GABRA1: variants seen among roughly 807,000 people sequenced by gnomAD.
GABRA1 encodes the protein gamma-aminobutyric acid type A receptor subunit alpha1.
Under a neutral mutation model 48.9 loss-of-function variants are expected in GABRA1, and 9 were observed. The ratio of observed to expected loss-of-function variants is 0.18; its 90% confidence interval spans 0.11 to 0.32. The LOEUF (loss-of-function observed/expected upper bound fraction) is 0.32, where lower values mean the gene tolerates loss of function less well. Ranked by LOEUF, GABRA1 falls within the 10% of genes least tolerant of loss-of-function variation. The probability of loss-of-function intolerance (pLI) is 1.00; values close to 1 mark genes in which losing one functional copy is unlikely to be tolerated. For missense variants in GABRA1, 285 were observed against 553.8 expected (o/e 0.51, Z 4.87); for synonymous variants, 210 against 198.7 (o/e 1.06, Z -0.48).
At position 161,893,414 on chromosome 5, in the gene GABRA1, CAT is replaced by C. The variant is rs555123251; in HGVS notation, c.857-2251_857-2250del. On this transcript the variant is annotated intron_variant, in intron 8 of 9. Transcript: ENST00000393943. ...AACCTTTTAACATTTATTTTGTACA[CAT>C]GTTTCTATGCTTTTTAGTTTGAACT... Among the ~76,000 whole-genome samples, 475 of 152,200 alleles carry C rather than the reference CAT, an allele frequency of 3.1e-3. 2 individuals carry two copies. Among genetic ancestry groups the C allele is most frequent in the Non-Finnish European group, 3.7e-3 (254 of 68,010 alleles).
chr5:161,850,540 C>T, intron 1 of GABRA1: 1 of 577,408 alleles, frequency 1.7e-6, no homozygotes, highest in South Asian at 2.3e-5. Context: ...TTGAGCAATA[C>T]TGTCACCTGA....
In GABRA1 at chr5:161,858,849, T is replaced by A. The variant is rs550442711; in HGVS notation, c.187+4579T>A. On this transcript the variant is annotated intron_variant, in intron 3 of 9. Transcript: ENST00000393943. ...ATCTGAATCAGTCTTCAACTTAATA[T>A]CAGTGTATACTAACTTGGATGATAA... is the stretch of plus-strand genomic sequence containing the variant. Among the ~76,000 whole-genome samples the A allele has an allele frequency of 6.6e-5, 10 of 151,896 alleles. No homozygotes were observed. The East Asian group carries it at 1.7e-3, about 26-fold the overall frequency.
rs1167040212 is a variant in GABRA1 at position 161,897,132 on chromosome 5, C to T, written c.1081C>T (p.Leu361Phe). ...PEKPKKVKDP[L>F]IKKNNTYAPT... is the part of the protein sequence containing the mutation. ...ACAGCCAAAGAAAGTAAAGGATCCT[C>T]TTATTAAGAAAAACAACACTTACGC... Residue 361 changes from leucine (L) to phenylalanine (F), a missense_variant, in exon 10 of 10, where the codon CTT (leucine) becomes TTT (phenylalanine). Leu to Phe is a conservative substitution (Grantham distance 22, BLOSUM62 0). Coordinates refer to ENST00000393943, the MANE Select transcript of GABRA1 (RefSeq NM_001127644.2). The T allele has an allele frequency of 3.1e-6, 5 of 1,613,934 alleles. No individual in the cohort carries two copies. The highest frequency in any genetic ancestry group is 2.2e-5 in the East Asian group (1 of 44,880).
Position 161,875,552 on chromosome 5 carries a change from C to T in GABRA1, c.477-8C>T, listed in dbSNP as rs1754310220. 2 of 1,610,304 alleles carry T rather than the reference C, an allele frequency of 1.2e-6. No individual in the cohort carries two copies. The highest frequency in any genetic ancestry group is 3.3e-5 in the Admixed American group (2 of 59,922). ...TGGCTCTTGTTTGTATTCTATGTTT[C>T]CCTTAAGGCTGACAGTGAGAGCTGA... On this transcript the variant is annotated splice_region_variant and splice_polypyrimidine_tract_variant and intron_variant, in intron 5 of 9. Coordinates refer to ENST00000393943, the MANE Select transcript of GABRA1 (RefSeq NM_001127644.2).
intron 3 of GABRA1, among the ~76,000 whole-genome samples, chr5:161,860,172 G>A (rs955358840): frequency 6.6e-6 from 1 of 151,850 alleles, no homozygotes; most frequent in Non-Finnish European, 1.5e-5. Flanking sequence ...TCTACCATCA[G>A]CTCATGAAGC....
At chr5:161,868,408 G>GGTA (rs1290047517) in intron 4 of GABRA1, among the ~76,000 whole-genome samples, 1 of 122,996 alleles carries the variant, frequency 8.1e-6, no homozygotes, top group Non-Finnish European at 1.7e-5. Context: ...GACTGAAATA[G>GGTA]GTAAAATTGA....
chr5:161,854,042 T>G (rs1581178155), intron 2 of GABRA1, 116 bp from the exon 3 acceptor site: 1 of 539,640 alleles, frequency 1.9e-6, no homozygotes, highest in East Asian at 2.9e-5. Flanking sequence ...AAAATAATTT[T>G]CAAGTTAAGA....
Position 161,874,226 on chromosome 5 carries a change from G to A in GABRA1, c.476+889G>A, listed in dbSNP as rs375143832. On this transcript the variant is annotated intron_variant, in intron 5 of 9. Transcript: ENST00000393943. Reference sequence around the variant, plus strand: ...AGTACAGTAATATTTTGCCTTTGGAGAAAGCTGCCAGAATGCCTAGCTTTT... The same window carrying A: ...AGTACAGTAATATTTTGCCTTTGGAAAAAGCTGCCAGAATGCCTAGCTTTT... Among the ~76,000 whole-genome samples the A allele has an allele frequency of 1.0e-3, 159 of 152,198 alleles. 2 individuals carry two copies. Among genetic ancestry groups the A allele is most frequent in the African/African-American group, 3.5e-3 (146 of 41,536 alleles).
chr5:161,874,296 G>A (rs1754250346), intron 5 of GABRA1, among the ~76,000 whole-genome samples: 2 of 152,214 alleles, frequency 1.3e-5, no homozygotes, highest in Admixed American at 1.3e-4. Flanking sequence ...AATTCTTCAA[G>A]AGACACTTTG....
chr5:161,848,859 C>T (rs192951838), intron 1 of GABRA1: 4 of 409,000 alleles, frequency 9.8e-6, no homozygotes, highest in Admixed American at 8.0e-5. Flanking sequence ...GACGCTGGGA[C>T]GGAAAACCTG....
intron 6 of GABRA1, chr5:161,882,103 C>G: frequency 5.0e-6 from 1 of 200,842 alleles, no homozygotes; most frequent in South Asian, 8.6e-5. Context: ...GTTACCTCCT[C>G]AGAGACGACT....
rs1339245561 is a variant in GABRA1, at chr5:161,898,183, A to G, written c.*761A>G. On this transcript the variant is annotated 3_prime_UTR_variant, in exon 10 of 10. Coordinates refer to ENST00000393943, the MANE Select transcript of GABRA1 (RefSeq NM_001127644.2). Reference sequence around the variant, plus strand: ...TCAAGGAAGAATAATTTTAACAGACATGTATACTCCATAGAAACTAAACTA... The same window carrying G: ...TCAAGGAAGAATAATTTTAACAGACGTGTATACTCCATAGAAACTAAACTA... The G allele has an allele frequency of 6.6e-6, 1 of 152,618 alleles. No individual in the cohort carries two copies. The highest frequency in any genetic ancestry group is 1.5e-5 in the Non-Finnish European group (1 of 68,050). The allele number at this position is 152,618 out of a possible 1,614,324, so 9.5% of individuals were successfully genotyped here. A position where few individuals can be genotyped will look rare whatever the true frequency, so the allele number is the denominator to read the frequency against.
chr5:161,858,236 T>C (rs1232157134), intron 3 of GABRA1, among the ~76,000 whole-genome samples: 1 of 151,566 alleles, frequency 6.6e-6, no homozygotes, highest in East Asian at 1.9e-4. Flanking sequence ...GCCCGTATTA[T>C]AATAAATGAA....
intron 6 of GABRA1, among the ~76,000 whole-genome samples, chr5:161,877,821 A>G (rs1014637465): frequency 2.0e-5 from 3 of 152,134 alleles, no homozygotes; most frequent in Non-Finnish European, 4.4e-5. Context: ...TCAGAGCCAT[A>G]TGCTCTTTTC....
At chr5:161,883,137 A>G (rs1417514556) in intron 7 of GABRA1, among the ~76,000 whole-genome samples, 1 of 152,212 alleles carries the variant, frequency 6.6e-6, no homozygotes, top group African/African-American at 2.4e-5. Context: ...TATATAGTCT[A>G]GGCTCCACAT....
chr5:161,863,448 A>G (rs1757935615), intron 3 of GABRA1, among the ~76,000 whole-genome samples: 1 of 151,936 alleles, frequency 6.6e-6, no homozygotes, highest in South Asian at 2.1e-4. Context: ...ACATGGCAAA[A>G]GCAGAAGTGA....
rs201409177 is a variant in GABRA1, at chr5:161,897,461, G to A, written c.*39G>A. 187 of 1,542,906 alleles carry A rather than the reference G, an allele frequency of 1.2e-4. No homozygotes were observed. The highest frequency in any genetic ancestry group is 1.6e-4 in the Non-Finnish European group (174 of 1,116,448). On this transcript the variant is annotated 3_prime_UTR_variant, in exon 10 of 10. Coordinates refer to ENST00000393943, the MANE Select transcript of GABRA1 (RefSeq NM_001127644.2). The stretch of plus-strand genomic sequence containing the variant: ...ATTCTGTTGTTCAGTCCTCTGCACT[G>A]GGAATTTATTTATGTTCTCAACGCA...
Position 161,897,722 on chromosome 5 carries a change from A to G in GABRA1, c.*300A>G, listed in dbSNP as rs1220287407. On this transcript the variant is annotated 3_prime_UTR_variant, in exon 10 of 10. Transcript: ENST00000393943. ...CAAAGATACAAGAAAAAGTAGAAAA[A>G]AAAATAACACTTAACTAAAACCCCT... is the stretch of plus-strand genomic sequence containing the variant. 2 of 311,586 alleles carry G rather than the reference A, an allele frequency of 6.4e-6. No homozygotes were observed. The highest frequency in any genetic ancestry group is 5.9e-6 in the Non-Finnish European group (1 of 169,242). 19.3% of individuals were successfully genotyped at this position (311,586 alleles called of 1,614,324 possible).
intron 4 of GABRA1, 163 bp from the exon 5 acceptor site, chr5:161,872,954 C>T (rs535945762): frequency 4.6e-6 from 3 of 647,382 alleles, no homozygotes; most frequent in Admixed American, 2.6e-5. Flanking sequence ...CAGTGATTCT[C>T]CTGACATCAA....
Sources: allele counts gnomAD v4.1 joint callset (sites outside exome capture counted in the v4.1 genomes callset), GRCh38; gene constraint gnomAD v4.1.1; transcripts MANE v1.5; gene names NCBI Gene and HGNC (gene_info 2026-07-23, HGNC 2026-07-21).